CYLC1: variants seen among roughly 807,000 people sequenced by gnomAD.
The protein encoded by CYLC1 is cylicin 1, also known as cylicin-1.
A neutral mutation model predicts 31.6 loss-of-function variants in CYLC1; 2 were observed. The ratio of observed to expected loss-of-function variants is 0.06; its 90% CI spans 0.03 to 0.20. CYLC1 has a LOEUF of 0.20. Among genes scored for constraint, CYLC1 ranks in the 10% least tolerant of loss-of-function variants. The pLI, the probability that CYLC1 is intolerant of heterozygous loss-of-function variation, is 1.00. For synonymous variants in CYLC1, 185 were observed against 153.0 expected (o/e 1.21, Z -1.54); for missense variants, 595 against 424.1 (o/e 1.40, Z -3.54).
intron 1 of CYLC1, among the ~76,000 whole-genome samples, chrX:83,866,653 T>A (rs2031597012): frequency 9.0e-6 from 1 of 111,065 alleles, no homozygotes; most frequent in African/African-American, 3.3e-5. Context: ...CACAGATGTT[T>A]GTACACAAAA....
At chrX:83,883,443 T>C (rs757983482) in intron 4 of CYLC1, among the ~76,000 whole-genome samples, 296 of 112,028 alleles carry the variant, frequency 2.6e-3, no homozygotes, top group Non-Finnish European at 4.0e-3. Flanking sequence ...TGTCAGGCAC[T>C]GTTCAAATCA....
chrX:83,876,307 A>G (rs1361346774), intron 4 of CYLC1, among the ~76,000 whole-genome samples: 1 of 110,480 alleles, frequency 9.1e-6, no homozygotes, highest in African/African-American at 3.3e-5. Context: ...GAGTTAATGG[A>G]TGGCTAACCA....
chrX:83,869,623 C>T (rs6622821), intron 1 of CYLC1, among the ~76,000 whole-genome samples: 7 of 110,299 alleles, frequency 6.3e-5, no homozygotes, highest in South Asian at 3.8e-4. Context: ...GAGATTAATA[C>T]GAATTAAAGG....
intron 1 of CYLC1, among the ~76,000 whole-genome samples, chrX:83,866,788 A>G (rs1028762343): frequency 9.0e-6 from 1 of 111,604 alleles, no homozygotes. Context: ...TTCTCTCTGG[A>G]GAACACTTCC....
At chrX:83,861,530 A>T (rs867441035) in intron 1 of CYLC1, among the ~76,000 whole-genome samples, 1 of 111,917 alleles carries the variant, frequency 8.9e-6, no homozygotes, top group African/African-American at 3.2e-5. Flanking sequence ...GTAAAGCAGG[A>T]TACAATGTAG....
chrX:83,878,422 AAT>A (rs552857586), intron 4 of CYLC1, among the ~76,000 whole-genome samples: 201 of 3,577 alleles, frequency 0.056, 11 homozygotes, highest in Non-Finnish European at 0.081. Context: ...AATATATATA[AAT>A]ATATATATAA....
intron 4 of CYLC1, among the ~76,000 whole-genome samples, chrX:83,886,296 T>C (rs921969092): frequency 9.0e-6 from 1 of 111,469 alleles, no homozygotes; most frequent in African/African-American, 3.3e-5. Context: ...CTCTTTAGTG[T>C]CCATTAAGAT....
intron 2 of CYLC1, among the ~76,000 whole-genome samples, chrX:83,870,914 C>A (rs923654969): frequency 3.6e-5 from 4 of 110,456 alleles, no homozygotes; most frequent in African/African-American, 1.3e-4. Flanking sequence ...GTATTTCCAC[C>A]TAGGGCCCTA....
Position 83,878,632 on chromosome X carries a change from T to G in CYLC1, c.1923+4001T>G, listed in dbSNP as rs778735540. On this transcript the variant is annotated intron_variant, in intron 4 of 4. Transcript: ENST00000329312. ...TGAGAATTTGGTCCCTCTAAAGAGC[T>G]ACATATCACAGTAGGAGACATTCGG... 9.2e-5 allele frequency among the ~76,000 whole-genome samples: 9 copies of G among 98,304 alleles called. 1 individual carries two copies. The South Asian group carries it at 4.1e-3, about 44-fold the overall frequency. The allele number at this position is 98,304 out of a possible 115,157, so 85.4% of individuals were successfully genotyped here. A position where few individuals can be genotyped will look rare whatever the true frequency, so the allele number is the denominator to read the frequency against.
rs1331786143 is a variant in CYLC1 at position 83,886,650 on chromosome X, G to A, written c.*66G>A. 1.9e-5 allele frequency: 18 copies of A among 943,074 alleles called. No individual in the cohort carries two copies. The highest frequency in any genetic ancestry group is 5.8e-5 in the African/African-American group (3 of 51,697). The allele number at this position is 943,074 out of a possible 1,213,427, so 77.7% of individuals were successfully genotyped here. ...CAGTAAGCACCACCTACTCTCAAAT[G>A]AGCATTTCTACCTCTGTGGAACTGA... is the stretch of plus-strand genomic sequence containing the variant. On this transcript the variant is annotated 3_prime_UTR_variant, in exon 5 of 5. Coordinates refer to ENST00000329312, the MANE Select transcript of CYLC1 (RefSeq NM_021118.3).
intron 1 of CYLC1, among the ~76,000 whole-genome samples, chrX:83,865,571 G>A (rs184070149): frequency 1.5e-3 from 165 of 111,661 alleles, no homozygotes; most frequent in Non-Finnish European, 2.5e-3. Context: ...GAAGACATAA[G>A]TACAAAATGA....
chrX:83,874,836 T>A, intron 4 of CYLC1, among the ~76,000 whole-genome samples: 1 of 110,649 alleles, frequency 9.0e-6, no homozygotes, highest in Middle Eastern at 4.7e-3. Context: ...GAATAGAAAT[T>A]ATTTGGACTA....
In CYLC1 at chrX:83,874,522, A is replaced by G. The variant is rs2031731644; in HGVS notation, c.1814A>G (p.Glu605Gly). Residue 605 changes from glutamate to glycine, a missense_variant, in exon 4 of 5, where the codon GAA becomes GGA. By Grantham distance (98) the Glu-to-Gly change is moderately conservative (BLOSUM62 -2). Transcript: ENST00000329312. ...ACAGGTAGAGTTCCTCCATCAAGAGAAAAACCACCACTCCCTGCTTGTGAG... is the reference window on the plus strand; with the variant it reads ...ACAGGTAGAGTTCCTCCATCAAGAGGAAAACCACCACTCCCTGCTTGTGAG... ...ASTGRVPPSR[E>G]KPPLPACEPS... 7.4e-6 allele frequency: 9 copies of G among 1,210,320 alleles called. No homozygotes were observed. The highest frequency in any genetic ancestry group is 7.8e-6 in the Non-Finnish European group (7 of 894,834).
In CYLC1 at chrX:83,874,067, T is replaced by C. The variant is rs1449423317; in HGVS notation, c.1359T>C (p.Asp453=). The C allele has an allele frequency of 8.3e-7, 1 of 1,198,108 alleles. No homozygotes were observed. The highest frequency in any genetic ancestry group is 1.1e-6 in the Non-Finnish European group (1 of 889,719). The change falls in exon 4 of 5, where the codon GAT becomes GAC. Residue 453 remains aspartate (D), a synonymous_variant. Coordinates refer to ENST00000329312, the MANE Select transcript of CYLC1 (RefSeq NM_021118.3). The part of the protein sequence containing the change: ...STDADSEPKG[D]SKKGKKDEKK... ...ATGCTGACTCTGAACCGAAGGGAGA[T>C]TCAAAAAAGGGTAAAAAGGATGAAA...
chrX:83,874,767 G>T (rs2031736335), intron 4 of CYLC1, 136 bp downstream of exon 4: 12 of 646,135 alleles, frequency 1.9e-5, no homozygotes, highest in Non-Finnish European at 2.6e-5. Flanking sequence ...TCGAAGGTAA[G>T]AAAAATAAAG....
intron 4 of CYLC1, among the ~76,000 whole-genome samples, chrX:83,880,674 C>A (rs1162972401): frequency 3.6e-5 from 4 of 110,761 alleles, no homozygotes; most frequent in African/African-American, 1.3e-4. Context: ...TTAATAAGAC[C>A]TTCCCTATAG....
chrX:83,873,799 A>G lies in CYLC1; in HGVS notation c.1091A>G (p.Lys364Arg). 1.7e-6 allele frequency: 2 copies of G among 1,187,645 alleles called. No homozygotes were observed. The highest frequency in any genetic ancestry group is 3.0e-5 in the East Asian group (1 of 33,326). ...LKKDDKKKDT[K>R]KYPESTDTES... is the part of the protein sequence containing the mutation. ...AAAGATGACAAGAAAAAGGACACAA[A>G]GAAGTACCCAGAGTCTACTGATACT... The change falls in exon 4 of 5, where the codon AAG (lysine) becomes AGG (arginine). Residue 364 changes from lysine to arginine, a missense_variant. By Grantham distance (26) the Lys-to-Arg change is conservative. Coordinates refer to ENST00000329312, the MANE Select transcript of CYLC1 (RefSeq NM_021118.3).
intron 1 of CYLC1, among the ~76,000 whole-genome samples, chrX:83,867,204 G>A (rs1182609692): frequency 2.7e-5 from 3 of 111,450 alleles, no homozygotes; most frequent in Non-Finnish European, 5.7e-5. Flanking sequence ...AGATGATTTA[G>A]GCTTTCTTCT....
chrX:83,886,613 A>G lies in CYLC1; in HGVS notation c.*29A>G. 1 of 1,171,232 alleles carries G rather than the reference A, an allele frequency of 8.5e-7. No individual in the cohort carries two copies. The highest frequency in any genetic ancestry group is 2.2e-5 in the Admixed American group (1 of 45,799). On this transcript the variant is annotated 3_prime_UTR_variant, in exon 5 of 5. Transcript: ENST00000329312. ...ACAACTGAGCACTTGGTTTCACAGA[A>G]TGGCCTTACCACAGTAAGCACCACC...
Sources: gnomAD v4.1 joint callset for allele counts (sites outside exome capture counted in the v4.1 genomes callset) on GRCh38, gnomAD v4.1.1 for gene constraint, MANE v1.5 for transcripts, NCBI Gene and HGNC (gene_info 2026-07-23, HGNC 2026-07-21) for gene names.